Variants in DCP1A observed in about 807,000 individuals in gnomAD.
DCP1A encodes mRNA-decapping enzyme 1A.
DCP1A carries 20 observed loss-of-function variants against 58.0 expected under a neutral mutation model. The observed-to-expected ratio is 0.34, with a 90% confidence interval of 0.24 to 0.50. The LOEUF is 0.50. DCP1A is among the 20% of genes least tolerant of loss of function. DCP1A has a pLI of 0.98. For synonymous variants in DCP1A, 285 were observed against 275.1 expected, an observed-to-expected ratio of 1.04 and a Z score of -0.36; for missense variants, 613 against 712.2, an observed-to-expected ratio of 0.86 and a Z score of 1.59.
rs575461307 is a variant in DCP1A, at chr3:53,320,785, C to T, written c.305-1312G>A. 3.9e-5 allele frequency among the ~76,000 whole-genome samples: 6 copies of T among 152,320 alleles called. No homozygotes were observed. In the South Asian group the frequency reaches 8.3e-4, roughly 21 times the overall value. On this transcript the variant is annotated intron_variant, in intron 3 of 9. Coordinates refer to ENST00000610213, the MANE Select transcript of DCP1A (RefSeq NM_018403.7). ...AAATCCACCTTGCTCTGGCCCCTCC[C>T]GTCCCTGACTCTTGGCAAATAGGAA...
intron 3 of DCP1A, among the ~76,000 whole-genome samples, chr3:53,335,624 T>C (rs2089100006): frequency 6.6e-6 from 1 of 152,232 alleles, no homozygotes; most frequent in African/African-American, 2.4e-5. Flanking sequence ...AATCACTCTG[T>C]CATATTTCCA....
At chr3:53,288,393 G>C in intron 8 of DCP1A, 110 bp from the exon 9 acceptor site, 1 of 772,206 alleles carries the variant, frequency 1.3e-6, no homozygotes, top group Non-Finnish European at 2.1e-6. Flanking sequence ...GGAGCACAGA[G>C]ACAGACTATT....
chr3:53,341,124 T>TA lies in DCP1A; in HGVS notation c.304+1019dup, dbSNP rs373114341. 2.1e-3 allele frequency among the ~76,000 whole-genome samples: 303 copies of TA among 146,222 alleles called. 1 individual carries two copies. Among genetic ancestry groups the TA allele is most frequent in the African/African-American group, 5.6e-3 (225 of 40,064 alleles). ...AAAGTAGAAAAAGTAATAAATATCT[T>TA]AAAAAAAAAAACCCATCACCACTAT... On this transcript the variant is annotated intron_variant, in intron 3 of 9. Transcript: ENST00000610213.
At chr3:53,337,934 G>A (rs1282421688) in intron 3 of DCP1A, among the ~76,000 whole-genome samples, 1 of 152,186 alleles carries the variant, frequency 6.6e-6, no homozygotes, top group Non-Finnish European at 1.5e-5. Context: ...GTGCTGACAC[G>A]GAACTATCAT....
chr3:53,306,931 C>CTTTTTTTTTTTTTT (rs1159787111), intron 5 of DCP1A, among the ~76,000 whole-genome samples: 1 of 101,558 alleles, frequency 9.8e-6, no homozygotes, highest in African/African-American at 4.0e-5. Flanking sequence ...CCAGGCTGTT[C>CTTTTTTTTTTTTTT]TTTTTTTTTT....
At chr3:53,311,894 T>TG in intron 5 of DCP1A, among the ~76,000 whole-genome samples, 1 of 152,062 alleles carries the variant, frequency 6.6e-6, no homozygotes, top group South Asian at 2.1e-4. Flanking sequence ...ACAAGTAATC[T>TG]GGGGTAAGCA....
At chr3:53,344,771 C>G (rs373006074) in intron 2 of DCP1A, 131 bp downstream of exon 2, 1 of 589,314 alleles carries the variant, frequency 1.7e-6, no homozygotes, top group Non-Finnish European at 2.9e-6. Flanking sequence ...GATTTCACAG[C>G]TAGGGAAAGA....
At chr3:53,315,446 G>A (rs1465661281) in intron 4 of DCP1A, among the ~76,000 whole-genome samples, 2 of 148,828 alleles carry the variant, frequency 1.3e-5, no homozygotes, top group Non-Finnish European at 3.0e-5. Context: ...GCTGAGGCAG[G>A]AGAACTGCTT....
chr3:53,342,740 C>T (rs2089229341), intron 2 of DCP1A, among the ~76,000 whole-genome samples: 1 of 152,168 alleles, frequency 6.6e-6, no homozygotes, highest in Non-Finnish European at 1.5e-5. Flanking sequence ...TTTAATGCTC[C>T]CAAGCTCAAT....
At position 53,291,935 on chromosome 3, in the gene DCP1A, C is replaced by T. The variant is rs545793964; in HGVS notation, c.1383+134G>A. 350 of 962,048 alleles carry T rather than the reference C, an allele frequency of 3.6e-4. 5 individuals are homozygous for T. The South Asian group carries it at 5.9e-3, about 16-fold the overall frequency. 59.6% of individuals were successfully genotyped at this position (962,048 alleles called of 1,614,324 possible). A position where few individuals can be genotyped will look rare whatever the true frequency, so the allele number is the denominator to read the frequency against. ...TAGGGCTTCTTACCTCACCTGTCTC[C>T]GAGCCTCTGACATACTTTAAAGGGA... is the stretch of plus-strand genomic sequence containing the variant. On this transcript the variant is annotated intron_variant, in intron 7 of 9. Coordinates refer to ENST00000610213, the MANE Select transcript of DCP1A (RefSeq NM_018403.7).
At chr3:53,310,273 T>G (rs782122078) in intron 5 of DCP1A, among the ~76,000 whole-genome samples, 2 of 152,268 alleles carry the variant, frequency 1.3e-5, no homozygotes, top group African/African-American at 4.8e-5. Flanking sequence ...TTTTGTAATA[T>G]TGATATAATT....
rs35716152 is a variant in DCP1A, at chr3:53,287,342, C to CTTT, written c.*235_*237dup. ...CATAACTTAACACAATGATCGCTCTCTTTTTTTTTTTTTTTTTTTTTTTTT... is the reference window on the plus strand; with the variant it reads ...CATAACTTAACACAATGATCGCTCTCTTTTTTTTTTTTTTTTTTTTTTTTTTTT... On this transcript the variant is annotated 3_prime_UTR_variant, in exon 10 of 10. Transcript: ENST00000610213. The CTTT allele has an allele frequency of 2.3e-4, 38 of 166,734 alleles. 2 individuals are homozygous for CTTT. Among genetic ancestry groups the CTTT allele is most frequent in the African/African-American group, 1.2e-3 (28 of 22,880 alleles). The allele number at this position is 166,734 out of a possible 1,614,324, so 10.3% of individuals were successfully genotyped here.
Position 53,337,500 on chromosome 3 carries a change from G to A in DCP1A, c.304+4644C>T, listed in dbSNP as rs560736591. Among the ~76,000 whole-genome samples the A allele has an allele frequency of 2.6e-5, 4 of 152,300 alleles. No homozygotes were observed. In the South Asian group the frequency reaches 8.3e-4, roughly 32 times the overall value. ...CCTTACTTTCATGATGGCCTTTTAA[G>A]ATAAATAGGTCAAATCAGTGGTTTA... is the stretch of plus-strand genomic sequence containing the variant. On this transcript the variant is annotated intron_variant, in intron 3 of 9. Transcript: ENST00000610213.
chr3:53,331,700 G>T (rs1420538439), intron 3 of DCP1A, among the ~76,000 whole-genome samples: 1 of 152,132 alleles, frequency 6.6e-6, no homozygotes, highest in African/African-American at 2.4e-5. Flanking sequence ...GCCGGGTTTA[G>T]ATTCTTAAAA....
At chr3:53,338,250 T>G in intron 3 of DCP1A, 1 of 350,042 alleles carries the variant, frequency 2.9e-6, no homozygotes, top group Non-Finnish European at 5.9e-6. Context: ...ACTGGGGTCT[T>G]GTGACTGCCA....
rs1225181733 is a variant in DCP1A, at chr3:53,294,234, C to T, written c.625-1407G>A. 3.3e-5 allele frequency among the ~76,000 whole-genome samples: 5 copies of T among 152,136 alleles called. No individual in the cohort carries two copies. The East Asian group carries it at 5.8e-4, about 18-fold the overall frequency. The stretch of plus-strand genomic sequence containing the variant: ...TTATATTTTAGAACGTGCACTTGGT[C>T]GGCCACATAAAGGACAAATTGTAGG... On this transcript the variant is annotated intron_variant, in intron 6 of 9. Coordinates refer to ENST00000610213, the MANE Select transcript of DCP1A (RefSeq NM_018403.7).
intron 3 of DCP1A, 94 bp from the exon 4 acceptor site, chr3:53,319,567 A>G (rs1327789433): frequency 1.4e-6 from 1 of 732,356 alleles, no homozygotes; most frequent in African/African-American, 1.8e-5. Flanking sequence ...AATTCACTAA[A>G]TGTACCATCA....
chr3:53,319,298 A>G (rs1011868278), intron 4 of DCP1A, 109 bp downstream of exon 4: 2 of 652,848 alleles, frequency 3.1e-6, no homozygotes, highest in Non-Finnish European at 2.5e-6. Flanking sequence ...GTAAAAAGAA[A>G]TTGGGGAAAT....
At chr3:53,294,050 C>A (rs527476984) in intron 6 of DCP1A, among the ~76,000 whole-genome samples, 1 of 152,222 alleles carries the variant, frequency 6.6e-6, no homozygotes, top group East Asian at 1.9e-4. Flanking sequence ...CACTGAGAGC[C>A]ACACGTGCTT....
Sources: allele counts gnomAD v4.1 joint callset (sites outside exome capture counted in the v4.1 genomes callset), GRCh38; gene constraint gnomAD v4.1.1; transcripts MANE v1.5; gene names NCBI Gene and HGNC (gene_info 2026-07-23, HGNC 2026-07-21).